NSUN6: variants seen among roughly 807,000 people sequenced by gnomAD.
The protein encoded by NSUN6 is NOP2/Sun RNA methyltransferase 6.
Under a neutral mutation model 58.0 loss-of-function variants are expected in NSUN6, and 64 were observed. The observed-to-expected ratio is 1.10, with a 90% CI of 0.90 to 1.36. NSUN6 has a LOEUF of 1.36. Ranked by LOEUF, NSUN6 falls within the 40% of genes most tolerant of loss-of-function variation. NSUN6 has a pLI of 0.00. For synonymous variants in NSUN6, 231 were observed against 193.9 expected (o/e 1.19, Z -1.59); for missense variants, 701 against 550.1 (o/e 1.27, Z -2.74).
At chr10:18,590,979 C>T (rs1388006060) in intron 7 of NSUN6, among the ~76,000 whole-genome samples, 1 of 151,898 alleles carries the variant, frequency 6.6e-6, no homozygotes, top group African/African-American at 2.4e-5. Flanking sequence ...ATTAACAAAA[C>T]AGACCATTAG....
rs149702383 is a variant in NSUN6, at chr10:18,635,053, C to A, written c.311+7423G>T. 1.0e-3 allele frequency among the ~76,000 whole-genome samples: 157 copies of A among 152,274 alleles called. 7 individuals carry two copies. The East Asian group carries it at 0.023, about 22-fold the overall frequency. ...CAAACATGTTTATTCGGAACACCTGCTTTCCTTTTGGGAGTCTGGGGATTT... is the reference window on the plus strand; with the variant it reads ...CAAACATGTTTATTCGGAACACCTGATTTCCTTTTGGGAGTCTGGGGATTT... On this transcript the variant is annotated intron_variant, in intron 3 of 10. Coordinates refer to ENST00000377304, the MANE Select transcript of NSUN6 (RefSeq NM_182543.5).
chr10:18,618,971 C>A (rs918489243), intron 3 of NSUN6, among the ~76,000 whole-genome samples: 7 of 152,040 alleles, frequency 4.6e-5, no homozygotes, highest in Non-Finnish European at 1.0e-4. Context: ...ACTGTTTTGT[C>A]TACAGCCATA....
At chr10:18,620,610 C>G (rs2058571516) in intron 3 of NSUN6, among the ~76,000 whole-genome samples, 1 of 152,198 alleles carries the variant, frequency 6.6e-6, no homozygotes, top group Admixed American at 6.5e-5. Context: ...CATAACCTTG[C>G]CCACCTTAAC....
At chr10:18,646,200 T>C (rs906240176) in intron 2 of NSUN6, among the ~76,000 whole-genome samples, 3 of 151,964 alleles carry the variant, frequency 2.0e-5, no homozygotes, top group Admixed American at 6.6e-5. Flanking sequence ...ATCTAAAAAA[T>C]AATGATAATA....
At chr10:18,555,436 G>T (rs1250700972) in intron 8 of NSUN6, among the ~76,000 whole-genome samples, 1 of 151,080 alleles carries the variant, frequency 6.6e-6, no homozygotes, top group East Asian at 2.0e-4. Flanking sequence ...ATGCATTGGA[G>T]AATGGAACAG....
chr10:18,624,223 T>C (rs1234829247), intron 3 of NSUN6, among the ~76,000 whole-genome samples: 1 of 151,776 alleles, frequency 6.6e-6, no homozygotes, highest in Admixed American at 6.6e-5. Flanking sequence ...AATAAGGATT[T>C]ACAAGCAGAA....
chr10:18,617,105 C>T (rs1465827087), intron 3 of NSUN6, among the ~76,000 whole-genome samples: 1 of 152,058 alleles, frequency 6.6e-6, no homozygotes, highest in Non-Finnish European at 1.5e-5. Context: ...ACTCACCTTG[C>T]ATTCTATCCC....
chr10:18,551,985 T>G lies in NSUN6; in HGVS notation c.923-14A>C, dbSNP rs745439832. The G allele has an allele frequency of 1.9e-6, 3 of 1,551,692 alleles. No individual in the cohort carries two copies. Among genetic ancestry groups the G allele is most frequent in the Non-Finnish European group, 2.7e-6 (3 of 1,128,870 alleles). On this transcript the variant is annotated splice_polypyrimidine_tract_variant and intron_variant, in intron 8 of 10. Coordinates refer to ENST00000377304, the MANE Select transcript of NSUN6 (RefSeq NM_182543.5). ...ATGGAGGTTCTCCTATAAAGAGAAT[T>G]ATAATCATGTTTACTATCTTCCATA...
At chr10:18,625,668 G>C (rs1471910272) in intron 3 of NSUN6, among the ~76,000 whole-genome samples, 2 of 140,098 alleles carry the variant, frequency 1.4e-5, no homozygotes, top group African/African-American at 2.7e-5. Context: ...AGCCGAGATC[G>C]CGCCACTGCA....
At chr10:18,652,684 C>T (rs1346457150), upstream of NSUN6, 13 of 588,434 alleles carry the variant, frequency 2.2e-5, no homozygotes, top group Admixed American at 1.9e-4. Context: ...CTTGGCCTCC[C>T]GAGTAGCTAA....
intron 8 of NSUN6, among the ~76,000 whole-genome samples, chr10:18,572,679 C>T (rs779157534): frequency 4.1e-5 from 6 of 147,442 alleles, no homozygotes; most frequent in South Asian, 2.2e-4. Flanking sequence ...TCTCCATTCT[C>T]TTCCATTCTC....
chr10:18,622,415 T>C (rs1241550944), intron 3 of NSUN6, among the ~76,000 whole-genome samples: 4 of 152,110 alleles, frequency 2.6e-5, no homozygotes, highest in African/African-American at 7.2e-5. Context: ...ACAAGGCAAC[T>C]ACAAAAGATG....
intron 8 of NSUN6, among the ~76,000 whole-genome samples, chr10:18,578,975 T>C (rs1045864349): frequency 2.0e-5 from 3 of 152,194 alleles, no homozygotes; most frequent in African/African-American, 4.8e-5. Context: ...ACTGAAGTAC[T>C]AGATGATAAT....
intron 1 of NSUN6, among the ~76,000 whole-genome samples, chr10:18,649,060 A>G (rs937019381): frequency 6.6e-6 from 1 of 152,240 alleles, no homozygotes; most frequent in Non-Finnish European, 1.5e-5. Context: ...CATCATATCC[A>G]AGAGCAAACT....
chr10:18,632,949 G>A lies in NSUN6; in HGVS notation c.311+9527C>T, dbSNP rs1311524250. Among the ~76,000 whole-genome samples, 34 of 152,082 alleles carry A rather than the reference G, an allele frequency of 2.2e-4. 1 individual carries two copies. In the East Asian group the frequency reaches 2.9e-3, roughly 13 times the overall value. The stretch of plus-strand genomic sequence containing the variant: ...ATAAATCATGCTGCTATAAAGACAC[G>A]TGCACCCGTATGTTTATTCCGGCAT... On this transcript the variant is annotated intron_variant, in intron 3 of 10. Coordinates refer to ENST00000377304, the MANE Select transcript of NSUN6 (RefSeq NM_182543.5).
intron 3 of NSUN6, among the ~76,000 whole-genome samples, chr10:18,630,582 A>T (rs999432707): frequency 6.6e-6 from 1 of 152,204 alleles, no homozygotes; most frequent in Non-Finnish European, 1.5e-5. Context: ...TATCACCACC[A>T]ATCCCACAGA....
At chr10:18,649,047 T>C (rs909787946) in intron 1 of NSUN6, among the ~76,000 whole-genome samples, 2 of 152,222 alleles carry the variant, frequency 1.3e-5, no homozygotes, top group African/African-American at 4.8e-5. Context: ...GCTAATTAGC[T>C]AACATCATAT....
intron 3 of NSUN6, among the ~76,000 whole-genome samples, chr10:18,619,653 G>A (rs1276867616): frequency 1.3e-5 from 2 of 152,168 alleles, no homozygotes; most frequent in African/African-American, 4.8e-5. Context: ...CTCGGTGTAT[G>A]TAGCAAAAAC....
chr10:18,641,690 A>G (rs1267556859), intron 3 of NSUN6, among the ~76,000 whole-genome samples: 9 of 152,154 alleles, frequency 5.9e-5, no homozygotes, highest in African/African-American at 2.2e-4. Flanking sequence ...CTATTTTTCA[A>G]TTTTCAAACA....
Sources: allele counts gnomAD v4.1 joint callset (sites outside exome capture counted in the v4.1 genomes callset), GRCh38; gene constraint gnomAD v4.1.1; transcripts MANE v1.5; gene names NCBI Gene and HGNC (gene_info 2026-07-23, HGNC 2026-07-21).